The following NABP1 variants were observed in gnomAD, a reference collection of about 807,000 sequenced individuals.
NABP1 encodes the protein SOSS complex subunit B2.
A neutral mutation model predicts 25.0 loss-of-function variants in NABP1; 18 were observed. The observed-to-expected ratio is 0.72, with a 90% CI of 0.50 to 1.07. The LOEUF (loss-of-function observed/expected upper bound fraction) is 1.07. NABP1 is among the 50% of genes least tolerant of loss of function. The pLI is 0.00. For synonymous variants in NABP1, 71 were observed against 85.0 expected (o/e 0.84, Z 0.91); for missense variants, 270 against 255.6 (o/e 1.06, Z -0.39).
chr2:191,682,135 T>G (rs918414016), intron 3 of NABP1, 118 bp downstream of exon 3: 1 of 530,526 alleles, frequency 1.9e-6, no homozygotes, highest in African/African-American at 2.0e-5. Context: ...CTGAATGTCT[T>G]TGGTAGCTTA....
rs1687832365 is a variant in NABP1 at position 191,686,701 on chromosome 2, G to GT, written c.*934dup. ...ATCCTGGGTACTGACTTTGAGAGGA[G>GT]TGAGTGTGCATGTTGTCAAAGTTTC... On this transcript the variant is annotated 3_prime_UTR_variant, in exon 6 of 6. Coordinates refer to ENST00000425611, the MANE Select transcript of NABP1 (RefSeq NM_001031716.5). 1 of 152,350 alleles carries GT rather than the reference G, an allele frequency of 6.6e-6. No individual in the cohort carries two copies. The highest frequency in any genetic ancestry group is 2.4e-5 in the African/African-American group (1 of 41,442). The allele number at this position is 152,350 out of a possible 1,614,324, so 9.4% of individuals were successfully genotyped here.
intron 2 of NABP1, among the ~76,000 whole-genome samples, chr2:191,680,375 A>C (rs1687654410): frequency 6.6e-6 from 1 of 152,198 alleles, no homozygotes; most frequent in African/African-American, 2.4e-5. Context: ...CATCTTCAGG[A>C]AGTGAGGTAA....
At position 191,679,105 on chromosome 2, in the gene NABP1, G is replaced by A; in HGVS notation, c.207G>A (p.Gly69=). 6.2e-7 allele frequency: 1 copy of A among 1,614,180 alleles called. No individual in the cohort carries two copies. Among genetic ancestry groups the A allele is most frequent in the African/African-American group, 1.3e-5 (1 of 75,044 alleles). The change falls in exon 2 of 6, where the codon GGG becomes GGA. Residue 69 remains glycine, a synonymous_variant. Transcript: ENST00000425611. ...WDEIGGLIQP[G]DIIRLTRGYA... Reference sequence around the variant, plus strand: ...AGATCGGAGGTCTTATACAGCCAGGGGATATTATTCGGTTGACCAGAGGGT... The same window carrying A: ...AGATCGGAGGTCTTATACAGCCAGGAGATATTATTCGGTTGACCAGAGGGT...
intron 2 of NABP1, among the ~76,000 whole-genome samples, chr2:191,680,620 A>G (rs1447844945): frequency 1.3e-5 from 2 of 152,190 alleles, no homozygotes; most frequent in African/African-American, 4.8e-5. Context: ...CAAGTATTTC[A>G]TGTTCTGTAG....
intron 4 of NABP1, 115 bp from the exon 5 acceptor site, chr2:191,684,115 T>TA (rs372983331): frequency 0.036 from 17,170 of 482,836 alleles, 247 homozygotes; most frequent in African/African-American, 0.13. Flanking sequence ...ATTTGTTAAT[T>TA]AAAAAAAAAA....
chr2:191,682,262 C>T (rs904643619), intron 3 of NABP1: 1 of 430,958 alleles, frequency 2.3e-6, no homozygotes, highest in Middle Eastern at 6.5e-4. Flanking sequence ...TTGAGACCAG[C>T]CCTAGTGGAA....
In NABP1 at chr2:191,678,301, C is replaced by G. The variant is rs1574753360; in HGVS notation, c.-314C>G. The G allele has an allele frequency of 4.4e-5, 9 of 202,310 alleles. No individual in the cohort carries two copies. In the East Asian group the frequency reaches 1.0e-3, roughly 23 times the overall value. 12.5% of individuals were successfully genotyped at this position (202,310 alleles called of 1,614,324 possible). ...TCACTGCGTTTTTTTTTCCTTTTAT[C>G]CAAAGAACGGGGCAGTTAGTACGCT... On this transcript the variant is annotated 5_prime_UTR_variant, in exon 1 of 6. The change creates a new upstream start codon in the 5' untranslated region. Transcript: ENST00000425611.
At chr2:191,682,185 T>C (rs1687705571) in intron 3 of NABP1, 168 bp downstream of exon 3, 1 of 481,228 alleles carries the variant, frequency 2.1e-6, no homozygotes, top group Non-Finnish European at 3.7e-6. Context: ...TTAACACTTG[T>C]CAGTACTGTT....
At chr2:191,679,676 A>G (rs1355945461) in intron 2 of NABP1, among the ~76,000 whole-genome samples, 1 of 152,158 alleles carries the variant, frequency 6.6e-6, no homozygotes, top group African/African-American at 2.4e-5. Flanking sequence ...CACGCCCGGC[A>G]TAGATTTTTA....
At position 191,678,655 on chromosome 2, in the gene NABP1, T is replaced by C. The variant is rs142308851; in HGVS notation, c.41T>C (p.Ile14Thr). 26 of 1,613,850 alleles carry C rather than the reference T, an allele frequency of 1.6e-5. No individual in the cohort carries two copies. Among genetic ancestry groups the C allele is most frequent in the Non-Finnish European group, 1.9e-5 (23 of 1,179,892 alleles). Residue 14 changes from isoleucine (I) to threonine (T), a missense_variant, in exon 1 of 6, where the codon ATT (isoleucine) becomes ACT (threonine). Ile to Thr is a moderately conservative substitution (Grantham distance 89, BLOSUM62 -1). Transcript: ENST00000425611. The part of the protein sequence containing the change: ...VNDPLIFIRD[I>T]KPGLKNLNVV... Reference sequence around the variant, plus strand: ...GACCCACTTATTTTTATAAGAGATATTAAGCCCGGACTGAAAAACTTAAAT... The same window carrying C: ...GACCCACTTATTTTTATAAGAGATACTAAGCCCGGACTGAAAAACTTAAAT...
rs751403197 is a variant in NABP1 at position 191,683,802 on chromosome 2, G to C, written c.376G>C (p.Gly126Arg). Residue 126 changes from glycine (G) to arginine (R), a missense_variant and splice_region_variant, in exon 4 of 6, where the codon GGG becomes CGG. Gly to Arg is a moderately radical substitution (Grantham distance 125). Coordinates refer to ENST00000425611, the MANE Select transcript of NABP1 (RefSeq NM_001031716.5). This position sits in a 1 kb window ranked among gnomAD's most constrained non-coding sequence, Gnocchi z 4.1. ...NPDYRGQQNK[G>R]AQSEQKNNSM... Reference sequence around the variant, plus strand: ...AGATTATCGAGGACAGCAGAACAAAGGGGTAATTGTGTAGTATACTTTTAT... The same window carrying C: ...AGATTATCGAGGACAGCAGAACAAACGGGTAATTGTGTAGTATACTTTTAT... The C allele has an allele frequency of 1.1e-4, 172 of 1,605,790 alleles. No individual in the cohort carries two copies. Among genetic ancestry groups the C allele is most frequent in the Non-Finnish European group, 1.3e-4 (158 of 1,177,172 alleles).
intron 4 of NABP1, 85 bp from the exon 5 acceptor site, chr2:191,684,145 T>G: frequency 1.1e-6 from 1 of 902,382 alleles, no homozygotes; most frequent in Non-Finnish European, 1.6e-6. Flanking sequence ...AACCCAAAAC[T>G]TTAAAAAAGA....
In NABP1 at chr2:191,678,534, C is replaced by A; in HGVS notation, c.-81C>A. 1 of 1,046,854 alleles carries A rather than the reference C, an allele frequency of 9.6e-7. No individual in the cohort carries two copies. The highest frequency in any genetic ancestry group is 1.4e-6 in the Non-Finnish European group (1 of 706,460). 64.8% of individuals were successfully genotyped at this position (1,046,854 alleles called of 1,614,324 possible). A position where few individuals can be genotyped will look rare whatever the true frequency, so the allele number is the denominator to read the frequency against. On this transcript the variant is annotated 5_prime_UTR_variant, in exon 1 of 6. Coordinates refer to ENST00000425611, the MANE Select transcript of NABP1 (RefSeq NM_001031716.5). ...GCCCAAGGTCGCCCCTCTGCCTTCG[C>A]CCCTGTCCCGGGAGGGTGGGAAGCT...
intron 1 of NABP1, 36 bp from the exon 2 acceptor site, chr2:191,678,954 T>A (rs1034803741): frequency 1.9e-6 from 3 of 1,614,026 alleles, no homozygotes; most frequent in Non-Finnish European, 2.5e-6. Flanking sequence ...CCTCATTATC[T>A]AACAACCCCT....
chr2:191,678,988 A>T lies in NABP1; in HGVS notation c.92-2A>T. 6.2e-7 allele frequency: 1 copy of T among 1,614,230 alleles called. No homozygotes were observed. Among genetic ancestry groups the T allele is most frequent in the Non-Finnish European group, 8.5e-7 (1 of 1,180,032 alleles). On this transcript the variant is annotated splice_acceptor_variant, in intron 1 of 5. Coordinates refer to ENST00000425611, the MANE Select transcript of NABP1 (RefSeq NM_001031716.5). LOFTEE classifies it high-confidence loss of function. ...CTCCCTTTGATTTTTAAATCCTCAC[A>T]GGACGCGTGACCAAAACCAAAGACG...
Position 191,679,076 on chromosome 2 carries a change from G to A in NABP1, c.178G>A (p.Asp60Asn). 1 of 1,614,202 alleles carries A rather than the reference G, an allele frequency of 6.2e-7. No homozygotes were observed. The highest frequency in any genetic ancestry group is 2.2e-5 in the East Asian group (1 of 44,874). ...GGGCAGCATCACTATTTCCGTGTGG[G>A]ATGAGATCGGAGGTCTTATACAGCC... ...KTGSITISVW[D>N]EIGGLIQPGD... is the part of the protein sequence containing the mutation. The change falls in exon 2 of 6, where the codon GAT becomes AAT. Residue 60 changes from aspartate to asparagine, a missense_variant. Coordinates refer to ENST00000425611, the MANE Select transcript of NABP1 (RefSeq NM_001031716.5).
At position 191,686,740 on chromosome 2, in the gene NABP1, C is replaced by G. The variant is rs1015165592; in HGVS notation, c.*972C>G. ...TGTCAAAGTTTCTGAACACAGTTCA[C>G]ATAGCCTTATTAGCAAAAGTTTTAA... On this transcript the variant is annotated 3_prime_UTR_variant, in exon 6 of 6. Transcript: ENST00000425611. The G allele has an allele frequency of 6.6e-6, 1 of 152,466 alleles. No individual in the cohort carries two copies. Among genetic ancestry groups the G allele is most frequent in the Non-Finnish European group, 1.5e-5 (1 of 68,030 alleles). The allele number at this position is 152,466 out of a possible 1,614,324, so 9.4% of individuals were successfully genotyped here. A position where few individuals can be genotyped will look rare whatever the true frequency, so the allele number is the denominator to read the frequency against.
chr2:191,679,011 AC>A lies in NABP1; in HGVS notation c.114del (p.Asp38GlufsTer5). On this transcript the variant is annotated frameshift_variant, in exon 2 of 6. Coordinates refer to ENST00000425611, the MANE Select transcript of NABP1 (RefSeq NM_001031716.5). LOFTEE classifies it high-confidence loss of function. Reference protein sequence around the residue: ...LEIGRVTKTKDGHEVRSCKVA... With the variant: ...LEIGRVTKTKXGHEVRSCKVA... Reference sequence around the variant, plus strand: ...ACAGGACGCGTGACCAAAACCAAAGACGGCCATGAAGTGAGATCGTGCAAAG... The same window carrying A: ...ACAGGACGCGTGACCAAAACCAAAGAGGCCATGAAGTGAGATCGTGCAAAG... The A allele has an allele frequency of 6.2e-7, 1 of 1,614,154 alleles. No homozygotes were observed. Among genetic ancestry groups the A allele is most frequent in the Non-Finnish European group, 8.5e-7 (1 of 1,180,016 alleles).
Position 191,683,416 on chromosome 2 carries a change from C to T in NABP1, c.303-313C>T. On this transcript the variant is annotated intron_variant, in intron 3 of 5. Coordinates refer to ENST00000425611, the MANE Select transcript of NABP1 (RefSeq NM_001031716.5). This position sits in a 1 kb window ranked among gnomAD's most constrained non-coding sequence, Gnocchi z 4.1. Reference sequence around the variant, plus strand: ...ATGGTTCACTCTCATGTTATTTTTCCTTTGATCAGCTTTTGTGGAAAAACA... The same window carrying T: ...ATGGTTCACTCTCATGTTATTTTTCTTTTGATCAGCTTTTGTGGAAAAACA... 1 of 304,080 alleles carries T rather than the reference C, an allele frequency of 3.3e-6. No homozygotes were observed. The highest frequency in any genetic ancestry group is 6.2e-6 in the Non-Finnish European group (1 of 161,218). The allele number at this position is 304,080 out of a possible 1,614,324, so 18.8% of individuals were successfully genotyped here. A position where few individuals can be genotyped will look rare whatever the true frequency, so the allele number is the denominator to read the frequency against.
Sources: gnomAD v4.1 joint callset for allele counts (sites outside exome capture counted in the v4.1 genomes callset) on GRCh38, gnomAD v4.1.1 for gene constraint, Gnocchi (gnomAD v3.1) non-coding constraint, MANE v1.5 for transcripts, NCBI Gene and HGNC (gene_info 2026-07-23, HGNC 2026-07-21) for gene names.